The following TENM2 variants were observed in gnomAD, a reference collection of about 807,000 sequenced individuals.
TENM2 encodes teneurin transmembrane protein 2, also known as teneurin-2.
Under a neutral mutation model 245.2 loss-of-function variants are expected in TENM2, and 52 were observed. The ratio of observed to expected loss-of-function variants is 0.21; its 90% CI spans 0.17 to 0.27. The LOEUF (loss-of-function observed/expected upper bound fraction) is 0.27. TENM2 is among the 10% of genes least tolerant of loss of function. TENM2 has a pLI of 1.00. For synonymous variants in TENM2, 1,363 were observed against 1,438.9 expected, an observed-to-expected ratio of 0.95 and a Z score of 1.19; for missense variants, 3,046 against 3,666.8, an observed-to-expected ratio of 0.83 and a Z score of 4.37.
intron 27 of TENM2, among the ~76,000 whole-genome samples, chr5:168,253,433 T>TA (rs1294094920): frequency 2.0e-5 from 3 of 150,376 alleles, no homozygotes; most frequent in African/African-American, 7.3e-5. Flanking sequence ...TATTTTATTT[T>TA]TTTTTTTTTT....
At chr5:167,717,357 G>T (rs7736360) in intron 2 of TENM2, among the ~76,000 whole-genome samples, 1,958 of 152,142 alleles carry the variant, frequency 0.013, 40 homozygotes, top group African/African-American at 0.045. Flanking sequence ...ACTATGAACT[G>T]ACCCTCCCGC....
At chr5:167,115,947 T>C in the TENM2 span, among the ~76,000 whole-genome samples, 1 of 152,144 alleles carries the variant, frequency 6.6e-6, no homozygotes, top group South Asian at 2.1e-4. Flanking sequence ...AGCTCGGAGA[T>C]TGGAATAATG....
chr5:168,187,268 A>C (rs1760546481), intron 13 of TENM2: 1 of 152,312 alleles, frequency 6.6e-6, no homozygotes, highest in Non-Finnish European at 1.5e-5. Context: ...ATTCTGAAGC[A>C]GTCACAAGCC....
At chr5:167,559,325 T>C (rs1018597091) in intron 2 of TENM2, among the ~76,000 whole-genome samples, 2 of 152,270 alleles carry the variant, frequency 1.3e-5, no homozygotes, top group East Asian at 3.9e-4. Flanking sequence ...GCCAAGTGAC[T>C]CAAAATTCAT....
At chr5:167,906,732 G>C (rs561183076) in intron 3 of TENM2, among the ~76,000 whole-genome samples, 1 of 152,276 alleles carries the variant, frequency 6.6e-6, no homozygotes, top group Admixed American at 6.5e-5. Flanking sequence ...GGTGTTCAAT[G>C]TGAATGGTGC....
At chr5:167,461,036 A>G (rs1766261309) in intron 2 of TENM2, among the ~76,000 whole-genome samples, 1 of 152,206 alleles carries the variant, frequency 6.6e-6, no homozygotes, top group Admixed American at 6.5e-5. Flanking sequence ...AACTGAATGT[A>G]ATTTTTAGTA....
intron 21 of TENM2, among the ~76,000 whole-genome samples, chr5:168,216,436 CT>C (rs1562291675): frequency 1.3e-5 from 2 of 152,188 alleles, no homozygotes; most frequent in Non-Finnish European, 2.9e-5. Flanking sequence ...GAAATAACTT[CT>C]TTTCTAAGGA....
At chr5:167,008,574 C>T in the TENM2 span, among the ~76,000 whole-genome samples, 1 of 152,164 alleles carries the variant, frequency 6.6e-6, no homozygotes, top group African/African-American at 2.4e-5. Flanking sequence ...TCAGTTGTGT[C>T]ATTTGCATTA....
At chr5:167,427,397 G>A (rs1763896784) in intron 2 of TENM2, among the ~76,000 whole-genome samples, 1 of 150,206 alleles carries the variant, frequency 6.7e-6, no homozygotes, top group African/African-American at 2.5e-5. Flanking sequence ...ATAGTCCAGT[G>A]AGCCGAGATC....
intron 2 of TENM2, among the ~76,000 whole-genome samples, chr5:167,577,847 G>A (rs530844914): frequency 6.6e-6 from 1 of 152,232 alleles, no homozygotes; most frequent in African/African-American, 2.4e-5. Context: ...CAAAATATGC[G>A]CCAAACAGCC....
the TENM2 span, among the ~76,000 whole-genome samples, chr5:167,152,481 T>C: frequency 6.6e-6 from 1 of 152,172 alleles, no homozygotes; most frequent in Non-Finnish European, 1.5e-5. Context: ...GGAGGTATAG[T>C]TTTAAAATAG....
intron 2 of TENM2, among the ~76,000 whole-genome samples, chr5:167,783,026 G>A (rs559904426): frequency 6.6e-5 from 10 of 152,216 alleles, no homozygotes; most frequent in South Asian, 4.1e-4. Context: ...TTCTACAATC[G>A]TCTGGCAACT....
At chr5:167,433,582 G>T (rs1327472956) in intron 2 of TENM2, among the ~76,000 whole-genome samples, 2 of 151,906 alleles carry the variant, frequency 1.3e-5, no homozygotes, top group Admixed American at 6.6e-5. Context: ...TTCTAAATTG[G>T]TTTTTTTCTT....
At chr5:167,555,950 G>A (rs1312798738) in intron 2 of TENM2, among the ~76,000 whole-genome samples, 2 of 152,094 alleles carry the variant, frequency 1.3e-5, no homozygotes, top group African/African-American at 4.8e-5. Context: ...TCATTAAAGT[G>A]AGCCGCATTA....
intron 12 of TENM2, among the ~76,000 whole-genome samples, chr5:168,154,148 A>AAAG (rs1491501002): frequency 3.8e-5 from 1 of 26,478 alleles, no homozygotes; most frequent in Non-Finnish European, 8.5e-5. Context: ...CACCTACTTT[A>AAAG]AAAAAAAAAA....
chr5:167,201,110 A>C, the TENM2 span, among the ~76,000 whole-genome samples: 3 of 152,120 alleles, frequency 2.0e-5, no homozygotes. Context: ...TTCTCTTACA[A>C]TAGAAGCCAA....
At chr5:168,173,450 G>A (rs1378505621) in intron 13 of TENM2, among the ~76,000 whole-genome samples, 1 of 152,118 alleles carries the variant, frequency 6.6e-6, no homozygotes, top group Admixed American at 6.5e-5. Flanking sequence ...TAGAATGAGT[G>A]GAGATGCCTA....
intron 19 of TENM2, among the ~76,000 whole-genome samples, chr5:168,208,046 C>T (rs1412207210): frequency 6.6e-6 from 1 of 152,130 alleles, no homozygotes; most frequent in Non-Finnish European, 1.5e-5. Context: ...CTTTGGAAAA[C>T]CTAAAGCCCT....
chr5:167,088,728 A>G, the TENM2 span, among the ~76,000 whole-genome samples: 1 of 152,188 alleles, frequency 6.6e-6, no homozygotes, highest in Non-Finnish European at 1.5e-5. Context: ...ACCAATAATG[A>G]TACTAACTAC....
Sources: allele counts gnomAD v4.1 joint callset (sites outside exome capture counted in the v4.1 genomes callset), GRCh38; gene constraint gnomAD v4.1.1; transcripts MANE v1.5; gene names NCBI Gene and HGNC (gene_info 2026-07-23, HGNC 2026-07-21).